Variants in MICAL2 observed in about 807,000 individuals in gnomAD.
The protein encoded by MICAL2 is microtubule associated monooxygenase, calponin and LIM domain containing 2.
A neutral mutation model predicts 127.3 loss-of-function variants in MICAL2; 77 were observed. That is an observed-to-expected ratio of 0.60 (90% CI 0.50 to 0.73). The LOEUF (loss-of-function observed/expected upper bound fraction) is 0.73, where lower values mean the gene tolerates loss of function less well. Ranked by LOEUF, MICAL2 falls within the 30% of genes least tolerant of loss-of-function variation. The pLI is 0.00. For synonymous variants in MICAL2, 570 were observed against 551.1 expected, an observed-to-expected ratio of 1.03 and a Z score of -0.48; for missense variants, 1,351 against 1,434.4, an observed-to-expected ratio of 0.94 and a Z score of 0.94.
At chr11:12,135,732 C>A (rs1490186811) in intron 1 of MICAL2, among the ~76,000 whole-genome samples, 1 of 152,148 alleles carries the variant, frequency 6.6e-6, no homozygotes, top group Non-Finnish European at 1.5e-5. Flanking sequence ...GGGTAGCCTG[C>A]ACATTTAGAC....
At chr11:12,234,206 C>T (rs191737757) in intron 15 of MICAL2, among the ~76,000 whole-genome samples, 128 of 152,100 alleles carry the variant, frequency 8.4e-4, no homozygotes, top group Non-Finnish European at 1.6e-3. Context: ...TATAGGCTCC[C>T]GTGGAACAGT....
At chr11:12,349,135 C>T (rs1018658670) in intron 32 of MICAL2, among the ~76,000 whole-genome samples, 3 of 152,214 alleles carry the variant, frequency 2.0e-5, no homozygotes, top group African/African-American at 7.2e-5. Context: ...CGAAAGCCAC[C>T]TTTTAACATT....
At chr11:12,197,226 G>A (rs1027397128) in intron 3 of MICAL2, among the ~76,000 whole-genome samples, 1 of 152,210 alleles carries the variant, frequency 6.6e-6, no homozygotes, top group African/African-American at 2.4e-5. Context: ...TTGGGATTTT[G>A]AGTATGGGCT....
chr11:12,224,492 C>T, intron 12 of MICAL2, 181 bp from the exon 13 acceptor site: 1 of 671,930 alleles, frequency 1.5e-6, no homozygotes. Flanking sequence ...ACACTCCTGA[C>T]CAGGCCCCCA....
chr11:12,173,209 T>TA, intron 3 of MICAL2, among the ~76,000 whole-genome samples: 1 of 152,342 alleles, frequency 6.6e-6, no homozygotes, highest in East Asian at 1.9e-4. Context: ...CTATCGGTCT[T>TA]ACAGTCTTAA....
chr11:12,283,720 T>C (rs1443168759), intron 2 of MICAL2, among the ~76,000 whole-genome samples: 2 of 152,210 alleles, frequency 1.3e-5, no homozygotes, highest in African/African-American at 4.8e-5. Flanking sequence ...ATTTTTATAT[T>C]ATGTATATTA....
intron 15 of MICAL2, among the ~76,000 whole-genome samples, chr11:12,231,700 C>T (rs979395898): frequency 3.3e-5 from 5 of 152,310 alleles, no homozygotes; most frequent in African/African-American, 7.2e-5. Context: ...CAGAACCACA[C>T]GCCCAGCAGC....
At chr11:12,252,354 G>A (rs564829728) in intron 22 of MICAL2, among the ~76,000 whole-genome samples, 1 of 152,192 alleles carries the variant, frequency 6.6e-6, no homozygotes, top group African/African-American at 2.4e-5. Flanking sequence ...CAGGGTGGAA[G>A]GGGGAGCCAG....
At chr11:12,201,144 C>T (rs1486290535) in intron 3 of MICAL2, among the ~76,000 whole-genome samples, 2 of 151,948 alleles carry the variant, frequency 1.3e-5, no homozygotes, top group Non-Finnish European at 2.9e-5. Context: ...TGGTTCTTTC[C>T]CGGTGGCTCT....
In MICAL2 at chr11:12,223,424, A is replaced by T; in HGVS notation, c.1463A>T (p.Tyr488Phe). 1 of 1,613,848 alleles carries T rather than the reference A, an allele frequency of 6.2e-7. No individual in the cohort carries two copies. The highest frequency in any genetic ancestry group is 8.5e-7 in the Non-Finnish European group (1 of 1,179,794). Reference protein sequence around the residue: ...CVRPHQVKHLYITKELEHYPL... With the variant: ...CVRPHQVKHLFITKELEHYPL... Reference sequence around the variant, plus strand: ...TCTTGCTCATAGGTGAAGCATTTGTATATCACTAAGGAGCTGGAGCACTAC... The same window carrying T: ...TCTTGCTCATAGGTGAAGCATTTGTTTATCACTAAGGAGCTGGAGCACTAC... The change falls in exon 12 of 28, where the codon TAT (tyrosine) becomes TTT (phenylalanine). Residue 488 changes from tyrosine to phenylalanine, a missense_variant. Tyr to Phe is a conservative substitution (Grantham distance 22, BLOSUM62 3). Around this residue, in one of 2 missense-constraint regions of MICAL2, gnomAD observed 599 missense variants for 714.9 expected, o/e 0.84. Coordinates refer to ENST00000683283, the MANE Select transcript of MICAL2 (RefSeq NM_001282663.2).
In MICAL2 at chr11:12,224,840, T is replaced by G; in HGVS notation, c.1688+20T>G. The G allele has an allele frequency of 1.3e-6, 2 of 1,597,332 alleles. No homozygotes were observed. Among genetic ancestry groups the G allele is most frequent in the Non-Finnish European group, 1.7e-6 (2 of 1,166,212 alleles). On this transcript the variant is annotated intron_variant, in intron 13 of 27. Coordinates refer to ENST00000683283, the MANE Select transcript of MICAL2 (RefSeq NM_001282663.2). ...GCTCATGTGAGTCTGGGGCCCAGGC[T>G]GGCCCCTGGAGACGAGGGATGCCAA...
intron 32 of MICAL2, among the ~76,000 whole-genome samples, chr11:12,331,672 A>G (rs1410936581): frequency 6.6e-6 from 1 of 152,196 alleles, no homozygotes; most frequent in Non-Finnish European, 1.5e-5. Flanking sequence ...TTGAATCCCA[A>G]TGTAGTCCTT....
At chr11:12,117,379 G>A (rs558861647) in intron 1 of MICAL2, among the ~76,000 whole-genome samples, 4 of 152,348 alleles carry the variant, frequency 2.6e-5, no homozygotes, top group South Asian at 2.1e-4. Flanking sequence ...ACACGAGTGG[G>A]AGTCTAAGAA....
At chr11:12,329,060 G>C (rs1482739782) in intron 32 of MICAL2, among the ~76,000 whole-genome samples, 1 of 152,202 alleles carries the variant, frequency 6.6e-6, no homozygotes, top group Non-Finnish European at 1.5e-5. Flanking sequence ...AATAATACTT[G>C]TTACTTGTAT....
At chr11:12,318,771 T>C (rs1056831795) in intron 29 of MICAL2, among the ~76,000 whole-genome samples, 1 of 152,154 alleles carries the variant, frequency 6.6e-6, no homozygotes, top group African/African-American at 2.4e-5. Flanking sequence ...TAGGGGCAGA[T>C]GTTCTTGCTG....
chr11:12,294,858 G>A, downstream of MICAL2: 1 of 1,480,830 alleles, frequency 6.8e-7, no homozygotes, highest in Non-Finnish European at 8.9e-7. Flanking sequence ...GGAGGTGCAG[G>A]TAAGTGGCTC....
rs66469229 is a variant in MICAL2 at position 12,168,946 on chromosome 11, C to CAA, written c.264+6543_264+6544dup. On this transcript the variant is annotated intron_variant, in intron 3 of 27. Coordinates refer to ENST00000683283, the MANE Select transcript of MICAL2 (RefSeq NM_001282663.2). ...TGGGCAACAGAGCAAGATCCTGTCTCAAAAAAAAAAAAAAAAAGAAAAGAA... is the reference window on the plus strand; with the variant it reads ...TGGGCAACAGAGCAAGATCCTGTCTCAAAAAAAAAAAAAAAAAAAGAAAAGAA... Among the ~76,000 whole-genome samples, 319 of 115,200 alleles carry CAA rather than the reference C, an allele frequency of 2.8e-3. 2 individuals carry two copies. Among genetic ancestry groups the CAA allele is most frequent in the African/African-American group, 0.011 (301 of 28,576 alleles). The allele number at this position is 115,200 out of a possible 152,430, so 75.6% of individuals were successfully genotyped here. A position where few individuals can be genotyped will look rare whatever the true frequency, so the allele number is the denominator to read the frequency against.
intron 1 of MICAL2, among the ~76,000 whole-genome samples, chr11:12,279,594 G>A (rs1001670035): frequency 2.0e-5 from 3 of 152,144 alleles, no homozygotes; most frequent in African/African-American, 4.8e-5. Flanking sequence ...CAAATGCATC[G>A]GCTCGTCTGA....
Position 12,162,364 on chromosome 11 carries a change from A to T in MICAL2, c.209A>T (p.Asp70Val). ...WKAKALWYKL[D>V]KRGSHKEYKR... Reference sequence around the variant, plus strand: ...GCCAAAGCCCTGTGGTACAAATTGGATAAGCGTGGTTCCCACAAAGAGTAT... The same window carrying T: ...GCCAAAGCCCTGTGGTACAAATTGGTTAAGCGTGGTTCCCACAAAGAGTAT... Residue 70 changes from aspartate (D) to valine (V), a missense_variant, in exon 3 of 28, where the codon GAT (aspartate) becomes GTT (valine). Around this residue, in one of 2 missense-constraint regions of MICAL2, gnomAD observed 599 missense variants for 714.9 expected, o/e 0.84. Transcript: ENST00000683283. 1 of 1,614,266 alleles carries T rather than the reference A, an allele frequency of 6.2e-7. No homozygotes were observed. The highest frequency in any genetic ancestry group is 8.5e-7 in the Non-Finnish European group (1 of 1,180,050).
Sources: allele counts gnomAD v4.1 joint callset (sites outside exome capture counted in the v4.1 genomes callset), GRCh38; gene constraint gnomAD v4.1.1; regional missense constraint gnomAD v4.1.1; transcripts MANE v1.5; gene names NCBI Gene and HGNC (gene_info 2026-07-23, HGNC 2026-07-21).